GRIN2B: variants seen among roughly 807,000 people sequenced by gnomAD.
GRIN2B encodes the protein glutamate receptor ionotropic, NMDA 2B.
In GRIN2B, 5 loss-of-function variants were observed where a neutral mutation model predicts 114.5. That is an observed-to-expected ratio of 0.04 (90% confidence interval 0.02 to 0.09). The LOEUF (loss-of-function observed/expected upper bound fraction) is 0.09. GRIN2B is among the 10% of genes least tolerant of loss of function. The probability of loss-of-function intolerance (pLI) is 1.00; values close to 1 mark genes in which losing one functional copy is unlikely to be tolerated. For missense variants in GRIN2B, 1,108 were observed against 1,943.5 expected, an observed-to-expected ratio of 0.57 and a Z score of 8.08; for synonymous variants, 787 against 745.1, an observed-to-expected ratio of 1.06 and a Z score of -0.92.
At chr12:13,921,315 T>C (rs1866818991) in intron 2 of GRIN2B, among the ~76,000 whole-genome samples, 1 of 152,090 alleles carries the variant, frequency 6.6e-6, no homozygotes, top group African/African-American at 2.4e-5. Flanking sequence ...TGAGAATCGC[T>C]TGAACCCGGG....
chr12:13,831,104 C>T (rs1013998724), intron 3 of GRIN2B, among the ~76,000 whole-genome samples: 7 of 152,142 alleles, frequency 4.6e-5, no homozygotes, highest in Non-Finnish European at 7.4e-5. Context: ...TTCCTGCTTC[C>T]GCTCTCCCAC....
At chr12:13,961,618 T>A (rs1469261992) in intron 2 of GRIN2B, among the ~76,000 whole-genome samples, 1 of 152,206 alleles carries the variant, frequency 6.6e-6, no homozygotes, top group Non-Finnish European at 1.5e-5. Context: ...AAAATTAGAC[T>A]AAGTTCTTTC....
At chr12:13,616,782 C>T (rs1366301994) in intron 5 of GRIN2B, 125 bp from the exon 6 acceptor site, 2 of 763,086 alleles carry the variant, frequency 2.6e-6, no homozygotes, top group Non-Finnish European at 4.7e-6. Flanking sequence ...CAACATTGTA[C>T]ATACTAGAGA....
At chr12:13,678,518 G>A (rs1019427218) in intron 4 of GRIN2B, among the ~76,000 whole-genome samples, 5 of 152,030 alleles carry the variant, frequency 3.3e-5, no homozygotes, top group African/African-American at 1.2e-4. Flanking sequence ...AGCATCCCAA[G>A]GCCTTTACAT....
intron 10 of GRIN2B, among the ~76,000 whole-genome samples, chr12:13,601,708 C>T (rs527870129): frequency 4.0e-5 from 6 of 150,966 alleles, no homozygotes; most frequent in Admixed American, 2.6e-4. Context: ...GAAAGAGGGT[C>T]GTTCAAGGGG....
At chr12:13,870,765 G>T (rs1164439371) in intron 2 of GRIN2B, among the ~76,000 whole-genome samples, 1 of 152,162 alleles carries the variant, frequency 6.6e-6, no homozygotes, top group African/African-American at 2.4e-5. Context: ...CCAGAACTAT[G>T]TATCAGGTCC....
chr12:13,657,734 T>G (rs1949880218), intron 5 of GRIN2B, among the ~76,000 whole-genome samples: 1 of 152,202 alleles, frequency 6.6e-6, no homozygotes, highest in Non-Finnish European at 1.5e-5. Flanking sequence ...TACATGAATC[T>G]AAATAGATAA....
At chr12:13,740,492 C>CTT (rs59103603) in intron 4 of GRIN2B, among the ~76,000 whole-genome samples, 71 of 141,160 alleles carry the variant, frequency 5.0e-4, no homozygotes, top group East Asian at 2.9e-3. Context: ...ATAGCATTTT[C>CTT]TTTTTTTTTT....
intron 3 of GRIN2B, among the ~76,000 whole-genome samples, chr12:13,852,692 G>GAAAAAAAA (rs56860420): frequency 1.0e-5 from 1 of 95,882 alleles, no homozygotes; most frequent in Admixed American, 1.2e-4. Flanking sequence ...GAGAGATGAG[G>GAAAAAAAA]AAAAAAAAAA....
At chr12:13,914,596 A>G (rs559462238) in intron 2 of GRIN2B, among the ~76,000 whole-genome samples, 29 of 152,340 alleles carry the variant, frequency 1.9e-4, no homozygotes, top group Admixed American at 7.8e-4. Context: ...AAGGAAATCA[A>G]CATATCAAAG....
At chr12:13,645,183 C>T (rs1165898528) in intron 5 of GRIN2B, among the ~76,000 whole-genome samples, 1 of 152,084 alleles carries the variant, frequency 6.6e-6, no homozygotes, top group Non-Finnish European at 1.5e-5. Context: ...TGCAAATCTT[C>T]TTTTCACTTG....
At chr12:13,882,371 A>G (rs547398680) in intron 2 of GRIN2B, among the ~76,000 whole-genome samples, 4 of 152,344 alleles carry the variant, frequency 2.6e-5, no homozygotes, top group East Asian at 1.9e-4. Context: ...TTCCCCGTCA[A>G]TCAAGAGGAG....
chr12:13,909,774 G>A (rs1002877647), intron 2 of GRIN2B, among the ~76,000 whole-genome samples: 3 of 152,174 alleles, frequency 2.0e-5, no homozygotes, highest in Non-Finnish European at 4.4e-5. Flanking sequence ...AGAGAGAAAA[G>A]GGTGCTGTAA....
chr12:13,774,583 G>A (rs1341481166), intron 3 of GRIN2B, among the ~76,000 whole-genome samples: 1 of 152,220 alleles, frequency 6.6e-6, no homozygotes, highest in Non-Finnish European at 1.5e-5. Flanking sequence ...AAAATCAAGT[G>A]TACAAAGCAA....
Position 13,871,729 on chromosome 12 carries a change from AAAAG to A in GRIN2B, c.-18-5507_-18-5504del, listed in dbSNP as rs556161434. On this transcript the variant is annotated intron_variant, in intron 2 of 13. Transcript: ENST00000609686. ...GTCCTGACAAGATGAATCAAAAAAA[AAAAG>A]GAGAGAAAATGCGAATGAAAGAGAA... Among the ~76,000 whole-genome samples, 432 of 152,064 alleles carry A rather than the reference AAAAG, an allele frequency of 2.8e-3. 5 individuals are homozygous for A. In the South Asian group the frequency reaches 0.031, roughly 11 times the overall value.
intron 2 of GRIN2B, among the ~76,000 whole-genome samples, chr12:13,900,807 C>T (rs1207879941): frequency 6.6e-6 from 1 of 152,160 alleles, no homozygotes; most frequent in African/African-American, 2.4e-5. Flanking sequence ...TCCCCTCTTG[C>T]TTCTTTTACT....
chr12:13,620,788 G>T (rs1385717733), intron 5 of GRIN2B, among the ~76,000 whole-genome samples: 1 of 151,828 alleles, frequency 6.6e-6, no homozygotes, highest in Admixed American at 6.6e-5. Flanking sequence ...ATGAAGAGGT[G>T]CTTTTAGAGG....
At chr12:13,588,451 G>A (rs1171625467) in intron 10 of GRIN2B, among the ~76,000 whole-genome samples, 1 of 152,116 alleles carries the variant, frequency 6.6e-6, no homozygotes, top group Non-Finnish European at 1.5e-5. Context: ...CCTGCTGTAG[G>A]CATCAAATTG....
In GRIN2B at chr12:13,715,144, G is replaced by A. The variant is rs187307813; in HGVS notation, c.1010+38173C>T. 6.9e-4 allele frequency among the ~76,000 whole-genome samples: 105 copies of A among 151,924 alleles called. 1 individual carries two copies. Among genetic ancestry groups the A allele is most frequent in the Middle Eastern group, 3.4e-3 (1 of 294 alleles). Reference sequence around the variant, plus strand: ...AATAATGAAGAAGACAATGATGTTCGCTAACAAGATGAAGCCAAATTTAAA... The same window carrying A: ...AATAATGAAGAAGACAATGATGTTCACTAACAAGATGAAGCCAAATTTAAA... On this transcript the variant is annotated intron_variant, in intron 4 of 13. Transcript: ENST00000609686.
Sources: allele counts gnomAD v4.1 joint callset (sites outside exome capture counted in the v4.1 genomes callset), GRCh38; gene constraint gnomAD v4.1.1; transcripts MANE v1.5; gene names NCBI Gene and HGNC (gene_info 2026-07-23, HGNC 2026-07-21).